Variants in WLS observed in about 807,000 individuals in gnomAD.
WLS encodes the protein Wnt ligand secretion mediator.
Under a neutral mutation model 62.8 loss-of-function variants are expected in WLS, and 23 were observed. That is an observed-to-expected ratio of 0.37 (90% CI 0.26 to 0.52). WLS has a LOEUF of 0.52. Among genes scored for constraint, WLS ranks in the 20% least tolerant of loss-of-function variants. WLS has a pLI of 0.92. For synonymous variants in WLS, 246 were observed against 244.1 expected, an observed-to-expected ratio of 1.01 and a Z score of -0.07; for missense variants, 615 against 697.3, an observed-to-expected ratio of 0.88 and a Z score of 1.33.
intron 11 of WLS, among the ~76,000 whole-genome samples, chr1:68,107,819 C>T (rs1303099518): frequency 6.6e-6 from 1 of 152,226 alleles, no homozygotes; most frequent in South Asian, 2.1e-4. Context: ...ATGGGCACAA[C>T]GGTAGAAGCG....
chr1:68,160,169 T>G (rs987224481), intron 2 of WLS, among the ~76,000 whole-genome samples: 41 of 151,988 alleles, frequency 2.7e-4, no homozygotes, highest in African/African-American at 9.2e-4. Flanking sequence ...TGGGACTATT[T>G]TGGAACACTT....
chr1:68,170,663 C>T (rs1482184912), intron 2 of WLS, among the ~76,000 whole-genome samples: 1 of 151,876 alleles, frequency 6.6e-6, no homozygotes, highest in African/African-American at 2.4e-5. Flanking sequence ...TGGAATTCCC[C>T]CCAGATTTAC....
intron 11 of WLS, among the ~76,000 whole-genome samples, chr1:68,113,551 C>T (rs1047360449): frequency 2.0e-5 from 3 of 152,174 alleles, no homozygotes; most frequent in Non-Finnish European, 4.4e-5. Context: ...GATCCAAGCA[C>T]TTTGGCAGGT....
intron 2 of WLS, chr1:68,161,920 A>G (rs1463280539): frequency 6.2e-7 from 1 of 1,610,720 alleles, no homozygotes. Flanking sequence ...CACGCCCACG[A>G]TGCCTGGCGG....
At chr1:68,146,040 G>A (rs781730593) in intron 8 of WLS, 28 bp from the exon 9 acceptor site, 10 of 1,610,312 alleles carry the variant, frequency 6.2e-6, no homozygotes, top group African/African-American at 1.3e-5. Flanking sequence ...AGGAAACAAC[G>A]GGCTAGCCAA....
chr1:68,206,411 T>C (rs765651065), intron 1 of WLS, among the ~76,000 whole-genome samples: 13 of 152,132 alleles, frequency 8.5e-5, no homozygotes, highest in Non-Finnish European at 1.5e-4. Flanking sequence ...CCACACCAGT[T>C]GAAGAAAATG....
At chr1:68,148,735 C>A (rs1646786270) in intron 6 of WLS, 75 bp from the exon 7 acceptor site, 1 of 1,379,196 alleles carries the variant, frequency 7.3e-7, no homozygotes. Context: ...AGTCAGCATT[C>A]GAAGGACACT....
intron 8 of WLS, among the ~76,000 whole-genome samples, chr1:68,147,213 A>G (rs1646763987): frequency 6.6e-6 from 1 of 151,998 alleles, no homozygotes; most frequent in African/African-American, 2.4e-5. Context: ...AATTTTACTC[A>G]CTCCATCCTA....
At chr1:68,163,061 C>T (rs1570926920) in intron 2 of WLS, 2 of 1,578,078 alleles carry the variant, frequency 1.3e-6, no homozygotes, top group Admixed American at 3.4e-5. Context: ...ATTGCTGTCT[C>T]TTGACTTTGT....
intron 1 of WLS, among the ~76,000 whole-genome samples, chr1:68,228,484 C>G (rs1406875796): frequency 7.2e-5 from 11 of 152,084 alleles, no homozygotes; most frequent in Admixed American, 7.2e-4. Flanking sequence ...CTACCACCAC[C>G]CCCAAAGCTG....
At chr1:68,210,275 C>A (rs781037003) in intron 1 of WLS, among the ~76,000 whole-genome samples, 5 of 152,170 alleles carry the variant, frequency 3.3e-5, no homozygotes, top group Non-Finnish European at 7.3e-5. Flanking sequence ...CAAGTATGGT[C>A]AGGAGTCTAA....
chr1:68,142,984 CATG>C (rs570917589), intron 10 of WLS: 4 of 152,088 alleles, frequency 2.6e-5, no homozygotes, highest in East Asian at 3.8e-4. Context: ...CAATAGAAAT[CATG>C]ATATTTTCAC....
At chr1:68,228,835 C>G (rs1650273298) in intron 1 of WLS, among the ~76,000 whole-genome samples, 1 of 82,044 alleles carries the variant, frequency 1.2e-5, no homozygotes, top group Admixed American at 2.2e-4. Flanking sequence ...CTTACAGACA[C>G]TGGTGCCAAA....
At chr1:68,205,873 C>A (rs1337965176) in intron 1 of WLS, among the ~76,000 whole-genome samples, 1 of 152,154 alleles carries the variant, frequency 6.6e-6, no homozygotes, top group African/African-American at 2.4e-5. Flanking sequence ...TGATTTTTTT[C>A]TCTCTGCCCC....
At chr1:68,111,855 A>T (rs1367629173) in intron 11 of WLS, among the ~76,000 whole-genome samples, 1 of 152,162 alleles carries the variant, frequency 6.6e-6, no homozygotes, top group African/African-American at 2.4e-5. Context: ...AAGAAGATTT[A>T]GTTGAATTCA....
intron 3 of WLS, among the ~76,000 whole-genome samples, chr1:68,157,669 A>G (rs2100493054): frequency 6.6e-6 from 1 of 152,118 alleles, no homozygotes; most frequent in Non-Finnish European, 1.5e-5. Context: ...ACTAAATTTC[A>G]CTGCAATCAA....
intron 1 of WLS, among the ~76,000 whole-genome samples, chr1:68,230,039 T>G (rs896174869): frequency 1.3e-5 from 2 of 152,148 alleles, no homozygotes. Flanking sequence ...AACAGACAAG[T>G]GTTCTGACCC....
At position 68,126,092 on chromosome 1, in the gene WLS, C is replaced by T. The variant is rs1257606390; in HGVS notation, c.*134G>A. On this transcript the variant is annotated 3_prime_UTR_variant, in exon 12 of 12. Coordinates refer to ENST00000262348, the MANE Select transcript of WLS (RefSeq NM_024911.7). ...GAAGGCAAACTGACAAATGTCCATG[C>T]CGCTGGTCCAAGAAACCACAGCTAA... is the stretch of plus-strand genomic sequence containing the variant. 3.4e-6 allele frequency: 5 copies of T among 1,455,694 alleles called. No individual in the cohort carries two copies. The highest frequency in any genetic ancestry group is 2.7e-6 in the Non-Finnish European group (3 of 1,100,336). The allele number at this position is 1,455,694 out of a possible 1,614,324, so 90.2% of individuals were successfully genotyped here.
At chr1:68,205,648 T>A (rs779463182) in intron 1 of WLS, among the ~76,000 whole-genome samples, 4 of 152,248 alleles carry the variant, frequency 2.6e-5, no homozygotes, top group Non-Finnish European at 5.9e-5. Context: ...GAAGATTTTA[T>A]GACAAAATGT....
Sources: gnomAD v4.1 joint callset for allele counts (sites outside exome capture counted in the v4.1 genomes callset) on GRCh38, gnomAD v4.1.1 for gene constraint, MANE v1.5 for transcripts, NCBI Gene and HGNC (gene_info 2026-07-23, HGNC 2026-07-21) for gene names.